The following TWF1 variants were observed in gnomAD, a reference collection of about 807,000 sequenced individuals.
TWF1 encodes the protein twinfilin-1.
Under a neutral mutation model 47.9 loss-of-function variants are expected in TWF1, and 14 were observed. That is an observed-to-expected ratio of 0.29 (90% CI 0.19 to 0.46). The LOEUF is 0.46. Ranked by LOEUF, TWF1 falls within the 20% of genes least tolerant of loss-of-function variation. TWF1 has a pLI of 1.00. For missense variants in TWF1, 281 were observed against 409.3 expected (o/e 0.69, Z 2.70); for synonymous variants, 96 against 139.2 (o/e 0.69, Z 2.18).
chr12:43,797,420 C>A lies in TWF1; in HGVS notation c.642G>T (p.Leu214Phe), dbSNP rs779282359. 1 of 1,594,832 alleles carries A rather than the reference C, an allele frequency of 6.3e-7. No homozygotes were observed. Among genetic ancestry groups the A allele is most frequent in the East Asian group, 2.2e-5 (1 of 44,616 alleles). Residue 214 changes from leucine to phenylalanine, a missense_variant, in exon 7 of 9, where the codon TTG becomes TTT. Transcript: ENST00000395510. ...TCAGTTCTGTATTTGTTGTGTTGGC[C>A]AAAATTATAATTTCATTTTTTATAT... ...EIDIKNEIII[L>F]ANTTNTELKD...
chr12:43,800,232 T>C (rs1181166495), intron 4 of TWF1, among the ~76,000 whole-genome samples: 1 of 152,234 alleles, frequency 6.6e-6, no homozygotes, highest in Admixed American at 6.5e-5. Context: ...ATATCACTTG[T>C]CAATGTCAAA....
chr12:43,805,940 G>T (rs1278134662), intron 1 of TWF1: 1 of 1,529,922 alleles, frequency 6.5e-7, no homozygotes, highest in Non-Finnish European at 8.8e-7. Context: ...TGGAAGGCAC[G>T]CCCCCTTCAA....
rs1347492199 is a variant in TWF1 at position 43,804,479 on chromosome 12, A to T, written c.103+16T>A. On this transcript the variant is annotated intron_variant, in intron 2 of 8. Transcript: ENST00000395510. Reference sequence around the variant, plus strand: ...CTAATCCAGGAACAGAAAATATTTTAAAATATTTAACTAACCATTTTCAAT... The same window carrying T: ...CTAATCCAGGAACAGAAAATATTTTTAAATATTTAACTAACCATTTTCAAT... 2.0e-6 allele frequency: 3 copies of T among 1,513,914 alleles called. No homozygotes were observed. The highest frequency in any genetic ancestry group is 2.7e-6 in the Non-Finnish European group (3 of 1,100,810). 93.8% of individuals were successfully genotyped at this position (1,513,914 alleles called of 1,614,324 possible).
intron 1 of TWF1, chr12:43,805,402 T>G (rs1942740846): frequency 2.7e-6 from 1 of 369,852 alleles, no homozygotes; most frequent in Non-Finnish European, 5.5e-6. Flanking sequence ...AACATACAAT[T>G]AAGTGTTCAT....
chr12:43,797,467 CA>C lies in TWF1; in HGVS notation c.610-16del. On this transcript the variant is annotated splice_polypyrimidine_tract_variant and intron_variant, in intron 6 of 8. Transcript: ENST00000395510. ...ATATCTATTTCCTGCCAATAAGAAA[CA>C]AAATATGTTCATTAAAACCAGATAT... 5 of 1,552,628 alleles carry C rather than the reference CA, an allele frequency of 3.2e-6. No individual in the cohort carries two copies. The East Asian group carries it at 1.1e-4, about 35-fold the overall frequency.
chr12:43,798,997 G>T (rs1198416994), intron 5 of TWF1, among the ~76,000 whole-genome samples: 1 of 152,004 alleles, frequency 6.6e-6, no homozygotes, highest in African/African-American at 2.4e-5. Context: ...GTTCATAGAA[G>T]TTAATTTGTA....
intron 5 of TWF1, among the ~76,000 whole-genome samples, chr12:43,798,241 T>C (rs774840158): frequency 4.6e-5 from 7 of 152,150 alleles, no homozygotes; most frequent in Non-Finnish European, 7.4e-5. Flanking sequence ...ACAAACATCA[T>C]GCACTGAATT....
Position 43,794,953 on chromosome 12 carries a change from A to C in TWF1, c.*632T>G, listed in dbSNP as rs1942523525. The C allele has an allele frequency of 6.6e-6, 1 of 152,212 alleles. No individual in the cohort carries two copies. Among genetic ancestry groups the C allele is most frequent in the South Asian group, 2.1e-4 (1 of 4,834 alleles). The allele number at this position is 152,212 out of a possible 1,614,324, so 9.4% of individuals were successfully genotyped here. ...GTTTAAAGTCTTTCAATGTCATCAG[A>C]AATCCTGCAGTATAGAAAATATCTG... is the stretch of plus-strand genomic sequence containing the variant. On this transcript the variant is annotated 3_prime_UTR_variant, in exon 9 of 9. Transcript: ENST00000395510.
intron 5 of TWF1, among the ~76,000 whole-genome samples, 187 bp downstream of exon 5, chr12:43,799,211 T>G (rs942115797): frequency 6.6e-6 from 1 of 152,152 alleles, no homozygotes; most frequent in Non-Finnish European, 1.5e-5. Context: ...ATATAAAGTT[T>G]AATATTCATT....
intron 1 of TWF1, chr12:43,805,673 G>T: frequency 1.4e-6 from 1 of 725,060 alleles, no homozygotes; most frequent in Non-Finnish European, 2.1e-6. Flanking sequence ...TTACACTCGA[G>T]ATTTCTCAGA....
rs375496109 is a variant in TWF1 at position 43,802,388 on chromosome 12, C to T, written c.180G>A (p.Leu60=). 149 of 1,606,394 alleles carry T rather than the reference C, an allele frequency of 9.3e-5. No individual in the cohort carries two copies. Among genetic ancestry groups the T allele is most frequent in the Non-Finnish European group, 2.1e-5 (25 of 1,175,728 alleles). ...DKDYDSFVLP[L]LEDKQPCYIL... ...TATAGCATGGTTGTTTGTCCTCCAA[C>T]AGGGGTAAAACAAAGGAATCATAAT... The change falls in exon 3 of 9, where the codon CTG becomes CTA. Residue 60 remains leucine (L), a synonymous_variant. Transcript: ENST00000395510.
At chr12:43,805,598 T>C in intron 1 of TWF1, 1 of 475,704 alleles carries the variant, frequency 2.1e-6, no homozygotes. Flanking sequence ...TCTGCACGCA[T>C]TACATGCAAC....
intron 5 of TWF1, 147 bp from the exon 6 acceptor site, chr12:43,797,980 G>T: frequency 1.2e-6 from 1 of 803,202 alleles, no homozygotes; most frequent in Non-Finnish European, 1.9e-6. Flanking sequence ...TTACGGTCCT[G>T]CTAGCATTTT....
At chr12:43,802,146 T>G in intron 3 of TWF1, 140 bp downstream of exon 3, 1 of 508,096 alleles carries the variant, frequency 2.0e-6, no homozygotes, top group Non-Finnish European at 3.3e-6. Context: ...TGATTCTCCG[T>G]TATCAATCCA....
Position 43,797,794 on chromosome 12 carries a change from G to A in TWF1, c.523C>T (p.Leu175=). ...DVGVDTKHQT[L]QGVAFPISRE... ...GAAATGGGAAATGCTACTCCTTGTA[G>A]TGTTTGATGCTTAGTGTCCACACCC... is the stretch of plus-strand genomic sequence containing the variant. Residue 175 remains leucine (L), a synonymous_variant, in exon 6 of 9, where the codon CTA becomes TTA. Transcript: ENST00000395510. The A allele has an allele frequency of 6.2e-7, 1 of 1,613,466 alleles. No individual in the cohort carries two copies. The highest frequency in any genetic ancestry group is 8.5e-7 in the Non-Finnish European group (1 of 1,179,546).
In TWF1 at chr12:43,794,934, A is replaced by G. The variant is rs1329018704; in HGVS notation, c.*651T>C. ...AAGATAATTTACTAAGGCTGTTTAAAGTCTTTCAATGTCATCAGAAATCCT... is the reference window on the plus strand; with the variant it reads ...AAGATAATTTACTAAGGCTGTTTAAGGTCTTTCAATGTCATCAGAAATCCT... On this transcript the variant is annotated 3_prime_UTR_variant, in exon 9 of 9. Transcript: ENST00000395510. 6.6e-6 allele frequency: 1 copy of G among 152,212 alleles called. No homozygotes were observed. The highest frequency in any genetic ancestry group is 1.5e-5 in the Non-Finnish European group (1 of 68,028). 9.4% of individuals were successfully genotyped at this position (152,212 alleles called of 1,614,324 possible). A position where few individuals can be genotyped will look rare whatever the true frequency, so the allele number is the denominator to read the frequency against.
At position 43,795,043 on chromosome 12, in the gene TWF1, T is replaced by C. The variant is rs754917999; in HGVS notation, c.*542A>G. The C allele has an allele frequency of 3.9e-5, 6 of 152,252 alleles. No homozygotes were observed. Among genetic ancestry groups the C allele is most frequent in the South Asian group, 2.1e-4 (1 of 4,826 alleles). The allele number at this position is 152,252 out of a possible 1,614,324, so 9.4% of individuals were successfully genotyped here. A position where few individuals can be genotyped will look rare whatever the true frequency, so the allele number is the denominator to read the frequency against. On this transcript the variant is annotated 3_prime_UTR_variant, in exon 9 of 9. Transcript: ENST00000395510. The stretch of plus-strand genomic sequence containing the variant: ...AATGCTATTAAAAAAAAGTCAAATA[T>C]AAAAGACTGCTGCAATATAAAGCAC...
intron 4 of TWF1, 139 bp from the exon 5 acceptor site, chr12:43,799,641 ACTTTT>A (rs906500195): frequency 4.5e-5 from 23 of 512,328 alleles, no homozygotes; most frequent in African/African-American, 3.5e-4. Context: ...ATATCTTTTT[ACTTTT>A]CTTTAATCCT....
Position 43,795,376 on chromosome 12 carries a change from G to A in TWF1, c.*209C>T. ...ACAGTGTGACAAAATTAAACATTAT[G>A]TTGAACCCTTTTCTAGCTTTAACTC... On this transcript the variant is annotated 3_prime_UTR_variant, in exon 9 of 9. Transcript: ENST00000395510. 1 of 510,998 alleles carries A rather than the reference G, an allele frequency of 2.0e-6. No homozygotes were observed. 31.7% of individuals were successfully genotyped at this position (510,998 alleles called of 1,614,324 possible).
Sources: allele counts gnomAD v4.1 joint callset (sites outside exome capture counted in the v4.1 genomes callset), GRCh38; gene constraint gnomAD v4.1.1; transcripts MANE v1.5; gene names NCBI Gene and HGNC (gene_info 2026-07-23, HGNC 2026-07-21).